Variants in CARNMT1 observed in about 807,000 individuals in gnomAD.
The protein encoded by CARNMT1 is carnosine N-methyltransferase 1.
A neutral mutation model predicts 49.6 loss-of-function variants in CARNMT1; 28 were observed. The observed-to-expected ratio is 0.56, with a 90% CI of 0.42 to 0.77. CARNMT1 has a LOEUF of 0.77. CARNMT1 is among the 30% of genes least tolerant of loss of function. CARNMT1 has a pLI of 0.00. For missense variants in CARNMT1, 421 were observed against 512.6 expected (o/e 0.82, Z 1.73); for synonymous variants, 178 against 175.0 (o/e 1.02, Z -0.13).
Position 75,016,305 on chromosome 9 carries a change from T to C in CARNMT1, c.553A>G (p.Ile185Val), listed in dbSNP as rs1833848292. 6.2e-7 allele frequency: 1 copy of C among 1,613,596 alleles called. No homozygotes were observed. Among genetic ancestry groups the C allele is most frequent in the Non-Finnish European group, 8.5e-7 (1 of 1,179,910 alleles). ...GGAAAATTTTTTAAAATTTCTTTAA[T>C]GATTGGCTGGTAACAGGCATCCCTT... is the stretch of plus-strand genomic sequence containing the variant. ...AERDACYQPI[I>V]KEILKNFPKE... Residue 185 changes from isoleucine (I) to valine (V), a missense_variant, in exon 3 of 8, where the codon ATT becomes GTT. By Grantham distance (29) the Ile-to-Val change is conservative. Around this residue, in one of 2 missense-constraint regions of CARNMT1, gnomAD observed 235 missense variants for 344.8 expected, o/e 0.68. Transcript: ENST00000376834.
At position 75,028,064 on chromosome 9, in the gene CARNMT1, TCTC is replaced by T. The variant is rs772552928; in HGVS notation, c.175_177del (p.Glu59del). ...TTCCAGAAGTGCTCACGCTCAAGCC[TCTC>T]CTCCTCCTCCTCGGTGCTGCGCGTG... is the stretch of plus-strand genomic sequence containing the variant. On this transcript the variant is annotated inframe_deletion, in exon 1 of 8. Transcript: ENST00000376834. The T allele has an allele frequency of 8.0e-4, 1,243 of 1,552,700 alleles. 2 individuals carry two copies. Among genetic ancestry groups the T allele is most frequent in the Admixed American group, 3.5e-3 (193 of 55,280 alleles).
intron 1 of CARNMT1, among the ~76,000 whole-genome samples, chr9:75,026,016 T>G (rs1233026598): frequency 1.3e-5 from 2 of 152,242 alleles, no homozygotes; most frequent in African/African-American, 4.8e-5. Flanking sequence ...AACAATCCAC[T>G]GTTCTCTGCT....
intron 3 of CARNMT1, among the ~76,000 whole-genome samples, chr9:75,000,442 C>A (rs1186622334): frequency 3.3e-5 from 5 of 152,094 alleles, no homozygotes; most frequent in African/African-American, 1.2e-4. Context: ...ATTAAACATA[C>A]ATGATAACAA....
chr9:74,986,610 T>C (rs908725266), intron 6 of CARNMT1, among the ~76,000 whole-genome samples: 1 of 152,208 alleles, frequency 6.6e-6, no homozygotes, highest in African/African-American at 2.4e-5. Flanking sequence ...AGTTTTATTA[T>C]CTCTACATAC....
At chr9:75,027,111 TG>T in intron 1 of CARNMT1, 1 of 1,304,288 alleles carries the variant, frequency 7.7e-7, no homozygotes, top group Non-Finnish European at 1.0e-6. Flanking sequence ...TAGTCACCGG[TG>T]GACTCATATC....
rs1266920669 is a variant in CARNMT1 at position 75,002,124 on chromosome 9, G to C, written c.591-2254C>G. Reference sequence around the variant, plus strand: ...CAGTTTATTCAAGACAAACAGGAACGGAGAAGGGATACATCTGTAAGGACA... The same window carrying C: ...CAGTTTATTCAAGACAAACAGGAACCGAGAAGGGATACATCTGTAAGGACA... On this transcript the variant is annotated intron_variant, in intron 3 of 7. Coordinates refer to ENST00000376834, the MANE Select transcript of CARNMT1 (RefSeq NM_152420.3). Among the ~76,000 whole-genome samples the C allele has an allele frequency of 5.9e-5, 9 of 152,230 alleles. No individual in the cohort carries two copies. In the East Asian group the frequency reaches 1.7e-3, roughly 29 times the overall value.
At position 74,981,068 on chromosome 9, in the gene CARNMT1, C is replaced by CA. The variant is rs1832679695; in HGVS notation, c.*2698dup. ...AATATTCAAGAAAAATTAATTTCATCATACACATTAAAAATATAGGAAATT... is the reference window on the plus strand; with the variant it reads ...AATATTCAAGAAAAATTAATTTCATCAATACACATTAAAAATATAGGAAATT... On this transcript the variant is annotated 3_prime_UTR_variant, in exon 8 of 8. Coordinates refer to ENST00000376834, the MANE Select transcript of CARNMT1 (RefSeq NM_152420.3). 2 of 152,120 alleles carry CA rather than the reference C, an allele frequency of 1.3e-5. No homozygotes were observed. Among genetic ancestry groups the CA allele is most frequent in the South Asian group, 4.1e-4 (2 of 4,830 alleles). The allele number at this position is 152,120 out of a possible 1,614,324, so 9.4% of individuals were successfully genotyped here.
At chr9:75,012,284 GTTTTTTT>G (rs869040579) in intron 3 of CARNMT1, among the ~76,000 whole-genome samples, 3 of 134,028 alleles carry the variant, frequency 2.2e-5, no homozygotes, top group African/African-American at 8.3e-5. Flanking sequence ...CAAGTTTTTG[GTTTTTTT>G]TTTTTTTTTT....
chr9:74,999,130 C>T (rs1341436516), intron 4 of CARNMT1, among the ~76,000 whole-genome samples: 1 of 151,970 alleles, frequency 6.6e-6, no homozygotes, highest in African/African-American at 2.4e-5. Context: ...TTGTATAACC[C>T]TCTTCTTTTT....
intron 3 of CARNMT1, among the ~76,000 whole-genome samples, chr9:75,011,369 G>GTCA (rs1833685849): frequency 6.6e-6 from 1 of 152,044 alleles, no homozygotes; most frequent in Non-Finnish European, 1.5e-5. Flanking sequence ...TCCTGTGATT[G>GTCA]TCATTATTAT....
chr9:75,014,663 A>T (rs575571949), intron 3 of CARNMT1, among the ~76,000 whole-genome samples: 1 of 152,274 alleles, frequency 6.6e-6, no homozygotes, highest in South Asian at 2.1e-4. Flanking sequence ...CATGCAATTT[A>T]TCTGTAATTT....
intron 6 of CARNMT1, among the ~76,000 whole-genome samples, chr9:74,991,983 A>T (rs1278991101): frequency 6.6e-6 from 1 of 152,150 alleles, no homozygotes; most frequent in Non-Finnish European, 1.5e-5. Context: ...CGTTTTAAAA[A>T]ATTCTAGGCC....
At chr9:75,006,272 G>A (rs753665334) in intron 3 of CARNMT1, among the ~76,000 whole-genome samples, 5 of 151,642 alleles carry the variant, frequency 3.3e-5, no homozygotes, top group Non-Finnish European at 7.4e-5. Context: ...GGGTGGTCTT[G>A]AACTCCTGAC....
intron 1 of CARNMT1, among the ~76,000 whole-genome samples, chr9:75,019,705 C>T (rs1300431012): frequency 1.3e-5 from 2 of 152,164 alleles, no homozygotes; most frequent in East Asian, 1.9e-4. Flanking sequence ...TGACTTGTAA[C>T]CCCCTCTTTA....
chr9:75,022,130 T>G (rs1264697795), intron 1 of CARNMT1, among the ~76,000 whole-genome samples: 2 of 152,004 alleles, frequency 1.3e-5, no homozygotes, highest in African/African-American at 4.8e-5. Flanking sequence ...GTGATGAACA[T>G]TTTGTGTTCA....
intron 7 of CARNMT1, 56 bp downstream of exon 7, chr9:74,984,851 C>A: frequency 1.8e-6 from 2 of 1,113,964 alleles, no homozygotes; most frequent in Non-Finnish European, 1.4e-6. Flanking sequence ...GATATCAACA[C>A]TTCTGTTGAG....
chr9:74,994,909 T>C (rs998981707), intron 6 of CARNMT1, among the ~76,000 whole-genome samples: 36 of 152,300 alleles, frequency 2.4e-4, no homozygotes, highest in African/African-American at 8.2e-4. Context: ...ACATGCTCCA[T>C]TACTTCTGAT....
upstream of CARNMT1, chr9:75,028,336 C>T: frequency 1.5e-6 from 2 of 1,310,060 alleles, no homozygotes; most frequent in Non-Finnish European, 1.9e-6. Context: ...GCGCCCGCCG[C>T]GGACATGCCC....
chr9:75,026,306 T>A (rs1330730459), intron 1 of CARNMT1, among the ~76,000 whole-genome samples: 1 of 152,152 alleles, frequency 6.6e-6, no homozygotes, highest in East Asian at 1.9e-4. Flanking sequence ...CAAAGTCCCA[T>A]CCCATACTTA....
Sources: gnomAD v4.1 joint callset for allele counts (sites outside exome capture counted in the v4.1 genomes callset) on GRCh38, gnomAD v4.1.1 for gene constraint, gnomAD v4.1.1 regional missense constraint, MANE v1.5 for transcripts, NCBI Gene and HGNC (gene_info 2026-07-23, HGNC 2026-07-21) for gene names.